Variants in CTPS1 observed in about 807,000 individuals in gnomAD.
CTPS1 encodes the protein CTP synthase 1.
Under a neutral mutation model 80.5 loss-of-function variants are expected in CTPS1, and 25 were observed. The ratio of observed to expected loss-of-function variants is 0.31; its 90% CI spans 0.23 to 0.43. The LOEUF (loss-of-function observed/expected upper bound fraction) is 0.43, where lower values mean the gene tolerates loss of function less well. Among genes scored for constraint, CTPS1 ranks in the 20% least tolerant of loss-of-function variants. The pLI is 1.00. For synonymous variants in CTPS1, 267 were observed against 252.5 expected (o/e 1.06, Z -0.54); for missense variants, 442 against 725.7 (o/e 0.61, Z 4.49).
At chr1:41,008,959 A>G in intron 16 of CTPS1, 69 bp downstream of exon 16, 1 of 1,239,178 alleles carries the variant, frequency 8.1e-7, no homozygotes, top group East Asian at 2.3e-5. Context: ...GGAAAATATA[A>G]AAATGTTATC....
At chr1:40,979,892 G>C (rs974046051) in intron 1 of CTPS1, 63 bp downstream of exon 1, 3 of 152,224 alleles carry the variant, frequency 2.0e-5, no homozygotes, top group African/African-American at 7.2e-5. Context: ...AGCGGCGCGA[G>C]CTGAGCCCGG....
intron 1 of CTPS1, chr1:40,980,632 C>A (rs1468913130): frequency 6.6e-6 from 1 of 152,260 alleles, no homozygotes; most frequent in East Asian, 1.9e-4. Flanking sequence ...GGGGCTGGCA[C>A]TTCATCTCAT....
At chr1:40,991,714 A>G (rs1642614872) in intron 6 of CTPS1, 51 bp from the exon 7 acceptor site, 1 of 1,310,870 alleles carries the variant, frequency 7.6e-7, no homozygotes, top group Non-Finnish European at 1.1e-6. Context: ...AGAAACCCCT[A>G]CTTCTGTCAT....
intron 14 of CTPS1, among the ~76,000 whole-genome samples, chr1:41,008,168 T>C (rs971256417): frequency 6.6e-6 from 1 of 152,182 alleles, no homozygotes; most frequent in African/African-American, 2.4e-5. Flanking sequence ...TCGAGGCAAC[T>C]GTGAAATGAG....
chr1:40,996,187 A>G, intron 8 of CTPS1, 119 bp downstream of exon 8: 1 of 1,084,858 alleles, frequency 9.2e-7, no homozygotes, highest in Non-Finnish European at 1.4e-6. Flanking sequence ...CACTCATTAG[A>G]AGAGCCTTTG....
intron 7 of CTPS1, among the ~76,000 whole-genome samples, chr1:40,992,777 T>A (rs1339728005): frequency 6.7e-6 from 1 of 148,980 alleles, no homozygotes; most frequent in East Asian, 2.0e-4. Flanking sequence ...CACTGTGACC[T>A]CCACCTCCCA....
At chr1:40,986,561 T>TAATGAATATTCTTCTGCGTGAGGCA (rs1642458794) in intron 3 of CTPS1, among the ~76,000 whole-genome samples, 1 of 152,252 alleles carries the variant, frequency 6.6e-6, no homozygotes, top group Non-Finnish European at 1.5e-5. Context: ...GTGGAGTAGA[T>TAATGAATATTCTTCTGCGTGAGGCA]AATGAATATT....
chr1:40,982,953 G>T (rs1221440277), intron 1 of CTPS1, among the ~76,000 whole-genome samples: 2 of 152,172 alleles, frequency 1.3e-5, no homozygotes, highest in African/African-American at 4.8e-5. Flanking sequence ...AACATTTGGG[G>T]TGTAGTGTTC....
chr1:41,009,551 C>G lies in CTPS1; in HGVS notation c.1653C>G (p.Leu551=). The G allele has an allele frequency of 6.2e-7, 1 of 1,614,142 alleles. No individual in the cohort carries two copies. Among genetic ancestry groups the G allele is most frequent in the Non-Finnish European group, 8.5e-7 (1 of 1,180,040 alleles). The part of the protein sequence containing the change: ...FGLLLASVGR[L]SHYLQKGCRL... ...TCCTCCTGGCCTCTGTGGGGCGGCT[C>G]TCACATTACCTCCAGAAAGGCTGCA... Residue 551 remains leucine, a synonymous_variant, in exon 17 of 19, where the codon CTC becomes CTG. Transcript: ENST00000650070.
At chr1:41,003,018 A>G in intron 11 of CTPS1, 96 bp from the exon 12 acceptor site, 1 of 1,198,938 alleles carries the variant, frequency 8.3e-7, no homozygotes. Flanking sequence ...ATAATTCTCC[A>G]AATAAAGGAC....
At chr1:40,992,677 G>A (rs889449059) in intron 7 of CTPS1, among the ~76,000 whole-genome samples, 1 of 141,030 alleles carries the variant, frequency 7.1e-6, no homozygotes, top group Non-Finnish European at 1.5e-5. Context: ...CATTAAAATT[G>A]TTCAATTTTT....
intron 6 of CTPS1, among the ~76,000 whole-genome samples, 175 bp from the exon 7 acceptor site, chr1:40,991,590 C>T (rs527507561): frequency 2.0e-5 from 3 of 152,226 alleles, no homozygotes; most frequent in South Asian, 2.1e-4. Flanking sequence ...TTGGCGTTTA[C>T]GGATTTTAGC....
intron 7 of CTPS1, among the ~76,000 whole-genome samples, chr1:40,994,307 G>A (rs1175714771): frequency 6.6e-6 from 1 of 152,076 alleles, no homozygotes; most frequent in African/African-American, 2.4e-5. Flanking sequence ...ATTTTTACAT[G>A]TGGATATCTA....
chr1:40,988,464 T>A, intron 4 of CTPS1, 130 bp from the exon 5 acceptor site: 1 of 659,840 alleles, frequency 1.5e-6, no homozygotes, highest in East Asian at 2.6e-5. Flanking sequence ...TAACTAACAT[T>A]ATACAGGGTT....
At chr1:41,005,112 TAGTG>T (rs1399304083) in intron 12 of CTPS1, among the ~76,000 whole-genome samples, 1 of 151,584 alleles carries the variant, frequency 6.6e-6, no homozygotes, top group East Asian at 1.9e-4. Flanking sequence ...CTGGGTGACA[TAGTG>T]AGACTCTTGT....
Position 40,987,350 on chromosome 1 carries a change from CTGTT to C in CTPS1, c.338-16_338-13del, listed in dbSNP as rs2148391896. 1 of 1,564,184 alleles carries C rather than the reference CTGTT, an allele frequency of 6.4e-7. No individual in the cohort carries two copies. The highest frequency in any genetic ancestry group is 8.8e-7 in the Non-Finnish European group (1 of 1,134,742). ...ATGTAGATGGACAAGCGTAAGTTCC[CTGTT>C]TGTTTTCTTTTTCCCAGTTGTCCCT... is the stretch of plus-strand genomic sequence containing the variant. On this transcript the variant is annotated intron_variant, in intron 3 of 18. Transcript: ENST00000650070.
intron 5 of CTPS1, among the ~76,000 whole-genome samples, chr1:40,989,010 G>A (rs1642530534): frequency 6.6e-6 from 1 of 152,178 alleles, no homozygotes; most frequent in East Asian, 1.9e-4. Context: ...CTTGTGGAGA[G>A]GAGTCAATAG....
At chr1:40,982,252 G>A (rs1267518904) in intron 1 of CTPS1, among the ~76,000 whole-genome samples, 1 of 152,024 alleles carries the variant, frequency 6.6e-6, no homozygotes, top group African/African-American at 2.4e-5. Context: ...CCCTCTCTTT[G>A]AGTCCTCTGC....
rs1643116590 is a variant in CTPS1, at chr1:41,009,526, T to G, written c.1628T>G (p.Leu543Arg). 2 of 1,614,062 alleles carry G rather than the reference T, an allele frequency of 1.2e-6. No individual in the cohort carries two copies. Among genetic ancestry groups the G allele is most frequent in the African/African-American group, 1.3e-5 (1 of 75,012 alleles). Residue 543 changes from leucine (L) to arginine (R), a missense_variant, in exon 17 of 19, where the codon CTC (leucine) becomes CGC (arginine). Physicochemically the swap from Leu to Arg is moderately radical, Grantham distance 102. Transcript: ENST00000650070. ...AAGCCCTCCCCACCATACTTTGGCCTCCTCCTGGCCTCTGTGGGGCGGCTC... is the reference window on the plus strand; with the variant it reads ...AAGCCCTCCCCACCATACTTTGGCCGCCTCCTGGCCTCTGTGGGGCGGCTC... ...PIKPSPPYFGLLLASVGRLSH... is the reference protein window; with the variant it reads ...PIKPSPPYFGRLLASVGRLSH...
Sources: gnomAD v4.1 joint callset for allele counts (sites outside exome capture counted in the v4.1 genomes callset) on GRCh38, gnomAD v4.1.1 for gene constraint, MANE v1.5 for transcripts, NCBI Gene and HGNC (gene_info 2026-07-23, HGNC 2026-07-21) for gene names.